The following ALG10 variants were observed in gnomAD, a reference collection of about 807,000 sequenced individuals.
ALG10 encodes ALG10 alpha-1,2-glucosyltransferase.
ALG10 carries 25 observed loss-of-function variants against 39.2 expected under a neutral mutation model. The ratio of observed to expected loss-of-function variants is 0.64; its 90% confidence interval spans 0.46 to 0.89. ALG10 has a LOEUF of 0.89. ALG10 is among the 40% of genes least tolerant of loss of function. ALG10 has a pLI of 0.00. For missense variants in ALG10, 486 were observed against 546.6 expected, an observed-to-expected ratio of 0.89 and a Z score of 1.11; for synonymous variants, 184 against 193.9, an observed-to-expected ratio of 0.95 and a Z score of 0.42.
chr12:34,027,158 C>T lies in ALG10; in HGVS notation c.*243C>T. On this transcript the variant is annotated 3_prime_UTR_variant, in exon 3 of 3. Coordinates refer to ENST00000266483, the MANE Select transcript of ALG10 (RefSeq NM_032834.4). ...AAAATAAAATTGTTTTCAGATATCT[C>T]ATATCACTCTCATAATGTTGGCCCC... The T allele has an allele frequency of 2.8e-6, 1 of 358,310 alleles. No homozygotes were observed. Among genetic ancestry groups the T allele is most frequent in the East Asian group, 5.0e-5 (1 of 19,948 alleles). 22.2% of individuals were successfully genotyped at this position (358,310 alleles called of 1,614,324 possible).
At position 34,028,253 on chromosome 12, in the gene ALG10, T is replaced by G. The variant is rs1465341487; in HGVS notation, c.*1338T>G. ...TGAGAAACAAAGTGGCATTATGATT[T>G]TTGAATATAATGTGGGATTAAATAA... is the stretch of plus-strand genomic sequence containing the variant. On this transcript the variant is annotated 3_prime_UTR_variant, in exon 3 of 3. Coordinates refer to ENST00000266483, the MANE Select transcript of ALG10 (RefSeq NM_032834.4). 1 of 152,172 alleles carries G rather than the reference T, an allele frequency of 6.6e-6. No individual in the cohort carries two copies. Among genetic ancestry groups the G allele is most frequent in the Non-Finnish European group, 1.5e-5 (1 of 68,036 alleles). 9.4% of individuals were successfully genotyped at this position (152,172 alleles called of 1,614,324 possible). A position where few individuals can be genotyped will look rare whatever the true frequency, so the allele number is the denominator to read the frequency against.
At chr12:34,023,857 C>T (rs1942804546) in intron 1 of ALG10, 105 bp from the exon 2 acceptor site, 2 of 1,438,412 alleles carry the variant, frequency 1.4e-6, no homozygotes, top group African/African-American at 1.4e-5. Flanking sequence ...AATAACTTCT[C>T]AAAATTTCTG....
intron 2 of ALG10, among the ~76,000 whole-genome samples, chr12:34,025,255 A>G (rs1268258765): frequency 6.6e-6 from 1 of 152,220 alleles, no homozygotes; most frequent in Non-Finnish European, 1.5e-5. Context: ...GAACACTTTC[A>G]AATTCTGAAA....
At position 34,026,326 on chromosome 12, in the gene ALG10, A is replaced by T; in HGVS notation, c.833A>T (p.Asp278Val). 1.2e-6 allele frequency: 2 copies of T among 1,613,996 alleles called. No individual in the cohort carries two copies. Among genetic ancestry groups the T allele is most frequent in the Non-Finnish European group, 8.5e-7 (1 of 1,179,952 alleles). Reference protein sequence around the residue: ...VVVNGGIVIGDRSSHEACLHF... With the variant: ...VVVNGGIVIGVRSSHEACLHF... ...GTTAATGGTGGAATTGTTATTGGCG[A>T]TCGGAGTAGTCATGAAGCCTGTCTT... The change falls in exon 3 of 3, where the codon GAT (aspartate) becomes GTT (valine). Residue 278 changes from aspartate (D) to valine (V), a missense_variant. Coordinates refer to ENST00000266483, the MANE Select transcript of ALG10 (RefSeq NM_032834.4).
rs112070407 is a variant in ALG10, at chr12:34,022,628, C to T, written c.29C>T (p.Ser10Leu). The T allele has an allele frequency of 3.5e-5, 57 of 1,614,010 alleles. 1 individual carries two copies. The highest frequency in any genetic ancestry group is 3.6e-5 in the Non-Finnish European group (42 of 1,180,022). The change falls in exon 1 of 3, where the codon TCG becomes TTG. Residue 10 changes from serine to leucine, a missense_variant. By Grantham distance (145) the Ser-to-Leu change is moderately radical. Coordinates refer to ENST00000266483, the MANE Select transcript of ALG10 (RefSeq NM_032834.4). ...GCGCAGCTGGAAGGTTACTATTTCT[C>T]GGCCGCCTTGAGCTGTACCTTTTTA... is the stretch of plus-strand genomic sequence containing the variant. MAQLEGYYF[S>L]AALSCTFLVS...
chr12:34,026,517 T>G lies in ALG10; in HGVS notation c.1024T>G (p.Tyr342Asp), dbSNP rs1208320560. ...TGTGTTTTTAGTTTGGAAATTCACTTATGCTCATAAATACTTGCTAGCAGA... is the reference window on the plus strand; with the variant it reads ...TGTGTTTTTAGTTTGGAAATTCACTGATGCTCATAAATACTTGCTAGCAGA... ...VSVFLVWKFT[Y>D]AHKYLLADNR... Residue 342 changes from tyrosine to aspartate, a missense_variant, in exon 3 of 3, where the codon TAT (tyrosine) becomes GAT (aspartate). Transcript: ENST00000266483. 9.9e-6 allele frequency: 16 copies of G among 1,613,928 alleles called. No homozygotes were observed. Among genetic ancestry groups the G allele is most frequent in the Non-Finnish European group, 1.4e-5 (16 of 1,179,936 alleles).
Position 34,023,914 on chromosome 12 carries a change from T to A in ALG10, c.172-48T>A, listed in dbSNP as rs1330541554. On this transcript the variant is annotated intron_variant, in intron 1 of 2. Transcript: ENST00000266483. ...TGGGCTTGACATATTTGTGCCTGTC[T>A]TGTTCCTATTACCTCTTGCTTTTAC... is the stretch of plus-strand genomic sequence containing the variant. 3 of 1,608,030 alleles carry A rather than the reference T, an allele frequency of 1.9e-6. No individual in the cohort carries two copies. The African/African-American group carries it at 4.0e-5, about 22-fold the overall frequency.
chr12:34,025,945 A>G lies in ALG10; in HGVS notation c.452A>G (p.Tyr151Cys), dbSNP rs1439929878. 2 of 1,614,000 alleles carry G rather than the reference A, an allele frequency of 1.2e-6. No individual in the cohort carries two copies. Among genetic ancestry groups the G allele is most frequent in the African/African-American group, 1.3e-5 (1 of 75,024 alleles). Residue 151 changes from tyrosine (Y) to cysteine (C), a missense_variant, in exon 3 of 3, where the codon TAT (tyrosine) becomes TGT (cysteine). Tyr to Cys is a radical substitution (Grantham distance 194). Coordinates refer to ENST00000266483, the MANE Select transcript of ALG10 (RefSeq NM_032834.4). ...PTLYFFNFLY[Y>C]TEAGSMFFTL... ...CTTTATTTTTTTAACTTCCTTTATT[A>G]TACAGAAGCAGGATCTATGTTTTTT...
At chr12:34,023,614 C>T in intron 1 of ALG10, 1 of 343,494 alleles carries the variant, frequency 2.9e-6, no homozygotes, top group South Asian at 2.5e-5. Context: ...CAAATGTTTT[C>T]CTAAACTTAA....
rs550400857 is a variant in ALG10, at chr12:34,026,329, G to A, written c.836G>A (p.Arg279Gln). 2.9e-5 allele frequency: 47 copies of A among 1,613,942 alleles called. 1 individual carries two copies. The highest frequency in any genetic ancestry group is 4.5e-5 in the East Asian group (2 of 44,866). Reference protein sequence around the residue: ...VVNGGIVIGDRSSHEACLHFP... With the variant: ...VVNGGIVIGDQSSHEACLHFP... ...AATGGTGGAATTGTTATTGGCGATC[G>A]GAGTAGTCATGAAGCCTGTCTTCAT... The change falls in exon 3 of 3, where the codon CGG (arginine) becomes CAG (glutamine). Residue 279 changes from arginine (R) to glutamine (Q), a missense_variant. Physicochemically the swap from Arg to Gln is conservative, Grantham distance 43. Coordinates refer to ENST00000266483, the MANE Select transcript of ALG10 (RefSeq NM_032834.4).
At chr12:34,022,987 A>G (rs1942795064) in intron 1 of ALG10, 1 of 672,930 alleles carries the variant, frequency 1.5e-6, no homozygotes, top group South Asian at 2.3e-5. Flanking sequence ...GGAAGGAGTG[A>G]TCTGGGAGAA....
At chr12:34,022,851 A>G (rs1942792917) in intron 1 of ALG10, 81 bp downstream of exon 1, 2 of 1,591,640 alleles carry the variant, frequency 1.3e-6, no homozygotes, top group African/African-American at 1.3e-5. Flanking sequence ...CTTAGACTTC[A>G]CTCGTCCTGT....
rs74073748 is a variant in ALG10, at chr12:34,023,218, A to G, written c.171+448A>G. ...AAAAAGTGACAATTTATAATCACAA[A>G]TTCCTTCCCTGGGTATTTTTAGTGA... On this transcript the variant is annotated intron_variant, in intron 1 of 2. Transcript: ENST00000266483. The G allele has an allele frequency of 4.6e-3, 789 of 171,180 alleles. 8 individuals are homozygous for G. The highest frequency in any genetic ancestry group is 0.018 in the African/African-American group (769 of 41,848). 10.6% of individuals were successfully genotyped at this position (171,180 alleles called of 1,614,324 possible). A position where few individuals can be genotyped will look rare whatever the true frequency, so the allele number is the denominator to read the frequency against.
Position 34,025,947 on chromosome 12 carries a change from A to G in ALG10, c.454A>G (p.Thr152Ala), listed in dbSNP as rs1942827379. The change falls in exon 3 of 3, where the codon ACA becomes GCA. Residue 152 changes from threonine (T) to alanine (A), a missense_variant. By Grantham distance (58) the Thr-to-Ala change is moderately conservative. Transcript: ENST00000266483. The part of the protein sequence containing the change: ...TLYFFNFLYY[T>A]EAGSMFFTLF... The stretch of plus-strand genomic sequence containing the variant: ...TTATTTTTTTAACTTCCTTTATTAT[A>G]CAGAAGCAGGATCTATGTTTTTTAC... 6.2e-7 allele frequency: 1 copy of G among 1,613,874 alleles called. No individual in the cohort carries two copies. The highest frequency in any genetic ancestry group is 1.3e-5 in the African/African-American group (1 of 74,900).
At position 34,026,328 on chromosome 12, in the gene ALG10, C is replaced by T. The variant is rs774115772; in HGVS notation, c.835C>T (p.Arg279Trp). The change falls in exon 3 of 3, where the codon CGG becomes TGG. Residue 279 changes from arginine (R) to tryptophan (W), a missense_variant. Arg to Trp is a moderately radical substitution (Grantham distance 101, BLOSUM62 -3). Coordinates refer to ENST00000266483, the MANE Select transcript of ALG10 (RefSeq NM_032834.4). ...VVNGGIVIGD[R>W]SSHEACLHFP... ...TAATGGTGGAATTGTTATTGGCGAT[C>T]GGAGTAGTCATGAAGCCTGTCTTCA... is the stretch of plus-strand genomic sequence containing the variant. 18 of 1,614,012 alleles carry T rather than the reference C, an allele frequency of 1.1e-5. No individual in the cohort carries two copies. The highest frequency in any genetic ancestry group is 1.6e-4 in the Middle Eastern group (1 of 6,062).
rs375455612 is a variant in ALG10 at position 34,025,856 on chromosome 12, C to T, written c.370-7C>T. On this transcript the variant is annotated splice_region_variant and splice_polypyrimidine_tract_variant and intron_variant, in intron 2 of 2. Coordinates refer to ENST00000266483, the MANE Select transcript of ALG10 (RefSeq NM_032834.4). ...ATAATTTTATCTGTGTTTCTTCTTC[C>T]TCCAAGGCTGCCTCAAGTATCCAGA... 1.3e-4 allele frequency: 203 copies of T among 1,613,654 alleles called. No homozygotes were observed. Among genetic ancestry groups the T allele is most frequent in the Non-Finnish European group, 1.7e-4 (199 of 1,179,818 alleles).
At chr12:34,022,485 C>T, upstream of ALG10, 2 of 1,543,086 alleles carry the variant, frequency 1.3e-6, no homozygotes, top group African/African-American at 2.7e-5. Context: ...GGTATGTGGC[C>T]CCGTCTGGCT....
chr12:34,022,383 T>G, upstream of ALG10: 3 of 600,230 alleles, frequency 5.0e-6, no homozygotes, highest in Non-Finnish European at 8.3e-6. Context: ...ATTGAGAGGG[T>G]AATCATCCGG....
chr12:34,026,784 C>G lies in ALG10; in HGVS notation c.1291C>G (p.Leu431Val). 6.2e-7 allele frequency: 1 copy of G among 1,613,990 alleles called. No individual in the cohort carries two copies. ...TGTCATTTATAGGCTTAACATACCT[C>G]TGCCTCCCACATCCAGACTCATTTG... ...PYVIYRLNIP[L>V]PPTSRLICEL... Residue 431 changes from leucine (L) to valine (V), a missense_variant, in exon 3 of 3, where the codon CTG becomes GTG. Transcript: ENST00000266483.
Sources: allele counts gnomAD v4.1 joint callset (sites outside exome capture counted in the v4.1 genomes callset), GRCh38; gene constraint gnomAD v4.1.1; transcripts MANE v1.5; gene names NCBI Gene and HGNC (gene_info 2026-07-23, HGNC 2026-07-21).